Variants in GRM4 observed in about 807,000 individuals in gnomAD.
GRM4 encodes the protein glutamate metabotropic receptor 4.
A neutral mutation model predicts 81.7 loss-of-function variants in GRM4; 28 were observed. That is an observed-to-expected ratio of 0.34 (90% CI 0.25 to 0.47). The LOEUF is 0.47. Among genes scored for constraint, GRM4 ranks in the 20% least tolerant of loss-of-function variants. The pLI is 1.00. For synonymous variants in GRM4, 488 were observed against 528.8 expected, an observed-to-expected ratio of 0.92 and a Z score of 1.06; for missense variants, 948 against 1,290.0, an observed-to-expected ratio of 0.73 and a Z score of 4.06.
Position 34,035,955 on chromosome 6 carries a change from C to A in GRM4, c.2155G>T (p.Val719Leu), listed in dbSNP as rs1353781533. Residue 719 changes from valine to leucine, a missense_variant, in exon 9 of 11, where the codon GTG becomes TTG. Val to Leu is a conservative substitution (Grantham distance 32, BLOSUM62 1). Coordinates refer to ENST00000538487, the MANE Select transcript of GRM4 (RefSeq NM_000841.4). This position sits in a 1 kb window ranked among gnomAD's most constrained non-coding sequence, Gnocchi z 6.6. ...ACCACCGAGTGGGAGGGGTCCACCA[C>A]AAACCACACACAGATGCCCAGCAGC... is the stretch of plus-strand genomic sequence containing the variant. ...LQLLGICVWFVVDPSHSVVDF... is the reference protein window; with the variant it reads ...LQLLGICVWFLVDPSHSVVDF... 2 of 1,613,198 alleles carry A rather than the reference C, an allele frequency of 1.2e-6. No homozygotes were observed. Among genetic ancestry groups the A allele is most frequent in the Non-Finnish European group, 8.5e-7 (1 of 1,179,368 alleles).
rs148942297 is a variant in GRM4, at chr6:34,054,022, A to T, written c.1168+2522T>A. Among the ~76,000 whole-genome samples the T allele has an allele frequency of 1.7e-3, 265 of 152,296 alleles. 3 individuals carry two copies. The highest frequency in any genetic ancestry group is 5.4e-3 in the African/African-American group (226 of 41,562). ...TTACAGCTGCCACTTACAGATCAGGAAGTGCCTCCATTAACGCTTCACTTC... is the reference window on the plus strand; with the variant it reads ...TTACAGCTGCCACTTACAGATCAGGTAGTGCCTCCATTAACGCTTCACTTC... On this transcript the variant is annotated intron_variant, in intron 6 of 10. Coordinates refer to ENST00000538487, the MANE Select transcript of GRM4 (RefSeq NM_000841.4).
At chr6:34,125,096 C>A (rs1205421465) in intron 2 of GRM4, among the ~76,000 whole-genome samples, 1 of 152,186 alleles carries the variant, frequency 6.6e-6, no homozygotes, top group Non-Finnish European at 1.5e-5. Context: ...GCCTCAGCCT[C>A]CTGAGTAGTT....
chr6:34,071,927 A>ACC, intron 3 of GRM4, among the ~76,000 whole-genome samples: 1 of 151,888 alleles, frequency 6.6e-6, no homozygotes, highest in East Asian at 1.9e-4. Flanking sequence ...ACAGATACAC[A>ACC]GCACACACAG....
At chr6:34,098,442 C>T (rs558668101) in intron 2 of GRM4, among the ~76,000 whole-genome samples, 2 of 152,234 alleles carry the variant, frequency 1.3e-5, no homozygotes, top group Non-Finnish European at 2.9e-5. Context: ...ACCCATGGGC[C>T]AGGCCAGGCC....
intron 3 of GRM4, among the ~76,000 whole-genome samples, chr6:34,071,482 A>ACCCC (rs1387838113): frequency 3.2e-4 from 9 of 28,248 alleles, no homozygotes; most frequent in Non-Finnish European, 4.0e-4. Context: ...CCACAAACAC[A>ACCCC]CACACATCAC....
At chr6:34,051,810 C>T (rs1765626642) in intron 6 of GRM4, among the ~76,000 whole-genome samples, 3 of 152,124 alleles carry the variant, frequency 2.0e-5, no homozygotes, top group African/African-American at 4.8e-5. Flanking sequence ...GGAGGTAGCA[C>T]TCTGCTGGGG....
chr6:34,117,325 G>A (rs139226082), intron 2 of GRM4, among the ~76,000 whole-genome samples: 27 of 152,312 alleles, frequency 1.8e-4, no homozygotes, highest in African/African-American at 5.5e-4. Context: ...GAACAAAGAT[G>A]AGGTGGGCGA....
chr6:34,033,691 CTCTCTCTT>C (rs956688172), intron 9 of GRM4, among the ~76,000 whole-genome samples: 15 of 146,716 alleles, frequency 1.0e-4, no homozygotes, highest in South Asian at 4.6e-4. Context: ...TTCTCTCTCT[CTCTCTCTT>C]TCTCTTTCTT....
chr6:34,071,409 CACAG>C lies in GRM4; in HGVS notation c.737-9385_737-9382del, dbSNP rs1190235021. 4.8e-4 allele frequency among the ~76,000 whole-genome samples: 14 copies of C among 29,312 alleles called. No homozygotes were observed. The East Asian group carries it at 9.1e-3, about 19-fold the overall frequency. The allele number at this position is 29,312 out of a possible 152,430, so 19.2% of individuals were successfully genotyped here. A position where few individuals can be genotyped will look rare whatever the true frequency, so the allele number is the denominator to read the frequency against. ...ACACACATCACATGGATAAACACCA[CACAG>C]ACACACACATCACCACACAGATACA... On this transcript the variant is annotated intron_variant, in intron 3 of 10. Coordinates refer to ENST00000538487, the MANE Select transcript of GRM4 (RefSeq NM_000841.4).
intron 2 of GRM4, among the ~76,000 whole-genome samples, chr6:34,095,013 C>CTCGTTAGAAG (rs1236756366): frequency 6.6e-6 from 1 of 152,194 alleles, no homozygotes; most frequent in African/African-American, 2.4e-5. Context: ...CAGACCCTGG[C>CTCGTTAGAAG]CCAAATCCAG....
At chr6:34,150,770 C>T (rs1771029312), upstream of GRM4, among the ~76,000 whole-genome samples, 1 of 152,212 alleles carries the variant, frequency 6.6e-6, no homozygotes, top group African/African-American at 2.4e-5. Context: ...CTGCTTCTTC[C>T]TTTCCAGCGG....
At chr6:34,044,453 TAGACACACAC>T (rs1765210680) in intron 6 of GRM4, among the ~76,000 whole-genome samples, 1 of 120,994 alleles carries the variant, frequency 8.3e-6, no homozygotes, top group African/African-American at 3.8e-5. Flanking sequence ...TACACATATA[TAGACACACAC>T]ACAGACATAC....
intron 1 of GRM4, among the ~76,000 whole-genome samples, chr6:34,143,752 C>T (rs933563904): frequency 2.6e-5 from 4 of 152,164 alleles, no homozygotes; most frequent in Non-Finnish European, 4.4e-5. Context: ...ATTGGCTGGC[C>T]CCGGGGCGGG....
intron 2 of GRM4, among the ~76,000 whole-genome samples, chr6:34,105,697 T>C (rs1318170436): frequency 1.3e-5 from 2 of 152,074 alleles, no homozygotes; most frequent in Non-Finnish European, 2.9e-5. Context: ...ACCCCTGAAC[T>C]CCAGGCTCCC....
rs779787883 is a variant in GRM4, at chr6:34,090,124, G to C, written c.736+1759C>G. Among the ~76,000 whole-genome samples, 32 of 152,200 alleles carry C rather than the reference G, an allele frequency of 2.1e-4. No homozygotes were observed. The highest frequency in any genetic ancestry group is 5.9e-4 in the Admixed American group (9 of 15,284). On this transcript the variant is annotated intron_variant, in intron 3 of 10. Transcript: ENST00000538487. This position sits in a 1 kb window ranked among gnomAD's most constrained non-coding sequence, Gnocchi z 5.2. ...GAGGCAGCATCTACCTCGTAGGGCAGGAAGGACTGCCCAGGACAGCAGGTG... is the reference window on the plus strand; with the variant it reads ...GAGGCAGCATCTACCTCGTAGGGCACGAAGGACTGCCCAGGACAGCAGGTG...
intron 6 of GRM4, 105 bp downstream of exon 6, chr6:34,056,439 C>T (rs907614575): frequency 4.0e-5 from 43 of 1,069,454 alleles, no homozygotes; most frequent in Non-Finnish European, 5.0e-5. Context: ...CTGCCACGGC[C>T]GGCCGACGAC....
rs963054855 is a variant in GRM4, at chr6:34,056,829, A to G, written c.1028-145T>C. 7.8e-6 allele frequency: 7 copies of G among 893,200 alleles called. No individual in the cohort carries two copies. In the African/African-American group the frequency reaches 1.0e-4, roughly 13 times the overall value. 55.3% of individuals were successfully genotyped at this position (893,200 alleles called of 1,614,324 possible). Reference sequence around the variant, plus strand: ...CATCCTCTGATCCAGGAGAAAACAAAATGTGGAGCATTTCGTTTCTTTCAA... The same window carrying G: ...CATCCTCTGATCCAGGAGAAAACAAGATGTGGAGCATTTCGTTTCTTTCAA... On this transcript the variant is annotated intron_variant, in intron 5 of 10. Transcript: ENST00000538487.
intron 3 of GRM4, among the ~76,000 whole-genome samples, chr6:34,079,711 C>G (rs1767485383): frequency 6.6e-6 from 1 of 152,162 alleles, no homozygotes; most frequent in South Asian, 2.1e-4. Context: ...CCAGGAGTGC[C>G]GTGCCTGGCC....
chr6:34,130,975 G>A lies in GRM4; in HGVS notation c.519+2003C>T, dbSNP rs554681041. Among the ~76,000 whole-genome samples, 3 of 152,374 alleles carry A rather than the reference G, an allele frequency of 2.0e-5. No individual in the cohort carries two copies. The South Asian group carries it at 6.2e-4, about 32-fold the overall frequency. On this transcript the variant is annotated intron_variant, in intron 2 of 10. Transcript: ENST00000538487. This position sits in a 1 kb window ranked among gnomAD's most constrained non-coding sequence, Gnocchi z 4.1. Reference sequence around the variant, plus strand: ...GCCAGGCTGACAAGGAGGAGTCCAAGGCTTGTCCCCTCTGCTGGATGGCCC... The same window carrying A: ...GCCAGGCTGACAAGGAGGAGTCCAAAGCTTGTCCCCTCTGCTGGATGGCCC...
Sources: allele counts gnomAD v4.1 joint callset (sites outside exome capture counted in the v4.1 genomes callset), GRCh38; gene constraint gnomAD v4.1.1; non-coding constraint Gnocchi (gnomAD v3.1); transcripts MANE v1.5; gene names NCBI Gene and HGNC (gene_info 2026-07-23, HGNC 2026-07-21).